The following CLCN3 variants were observed in gnomAD, a reference collection of about 807,000 sequenced individuals.
The protein encoded by CLCN3 is H(+)/Cl(-) exchange transporter 3.
CLCN3 carries 16 observed loss-of-function variants against 83.4 expected under a neutral mutation model. The observed-to-expected ratio is 0.19, with a 90% CI of 0.13 to 0.29. CLCN3 has a LOEUF of 0.29. Ranked by LOEUF, CLCN3 falls within the 10% of genes least tolerant of loss-of-function variation. The probability of loss-of-function intolerance (pLI) is 1.00; values close to 1 mark genes in which losing one functional copy is unlikely to be tolerated. For missense variants in CLCN3, 544 were observed against 1,006.0 expected, an observed-to-expected ratio of 0.54 and a Z score of 6.21; for synonymous variants, 322 against 346.2, an observed-to-expected ratio of 0.93 and a Z score of 0.78.
At chr4:169,696,542 G>A (rs929349852) in intron 8 of CLCN3, among the ~76,000 whole-genome samples, 5 of 151,960 alleles carry the variant, frequency 3.3e-5, no homozygotes, top group African/African-American at 1.2e-4. Flanking sequence ...TTATGTCCTT[G>A]TGGTGGTGAG....
chr4:169,636,231 G>C lies in CLCN3; in HGVS notation c.160+143G>C, dbSNP rs115532738. On this transcript the variant is annotated intron_variant, in intron 2 of 12. Coordinates refer to ENST00000513761, the MANE Select transcript of CLCN3 (RefSeq NM_001829.4). Reference sequence around the variant, plus strand: ...ATAACATAAACTTAACCATTGTAAAGTGTGGAACTGAGTGGCATTTAGCAG... The same window carrying C: ...ATAACATAAACTTAACCATTGTAAACTGTGGAACTGAGTGGCATTTAGCAG... 1.3e-3 allele frequency: 918 copies of C among 722,120 alleles called. 7 individuals are homozygous for C. The highest frequency in any genetic ancestry group is 0.012 in the African/African-American group (678 of 55,614). The allele number at this position is 722,120 out of a possible 1,614,324, so 44.7% of individuals were successfully genotyped here. A position where few individuals can be genotyped will look rare whatever the true frequency, so the allele number is the denominator to read the frequency against.
intron 2 of CLCN3, among the ~76,000 whole-genome samples, chr4:169,662,086 T>G (rs2150220674): frequency 6.6e-6 from 1 of 152,274 alleles, no homozygotes; most frequent in South Asian, 2.1e-4. Context: ...TTATGGACTG[T>G]CTTAGTGTAA....
intron 1 of CLCN3, among the ~76,000 whole-genome samples, chr4:169,632,334 G>T (rs1773393586): frequency 6.6e-6 from 1 of 151,982 alleles, no homozygotes; most frequent in Non-Finnish European, 1.5e-5. Context: ...TATACAACTG[G>T]CCAACAAGCA....
intron 2 of CLCN3, among the ~76,000 whole-genome samples, chr4:169,664,313 C>T (rs921443264): frequency 1.3e-5 from 2 of 152,158 alleles, no homozygotes; most frequent in East Asian, 3.8e-4. Flanking sequence ...TTCATTAGCT[C>T]AGCAGTGTAT....
intron 1 of CLCN3, among the ~76,000 whole-genome samples, chr4:169,628,702 A>C (rs1318913063): frequency 6.6e-6 from 1 of 152,252 alleles, no homozygotes; most frequent in Non-Finnish European, 1.5e-5. Context: ...GTTGGTAGAA[A>C]TGTACAATGG....
In CLCN3 at chr4:169,697,548, T is replaced by G; in HGVS notation, c.1377T>G (p.Leu459=). 1 of 1,614,198 alleles carries G rather than the reference T, an allele frequency of 6.2e-7. No individual in the cohort carries two copies. The highest frequency in any genetic ancestry group is 8.5e-7 in the Non-Finnish European group (1 of 1,180,024). Reference sequence around the variant, plus strand: ...ACACCAGTGAACTGATCAAAGAGCTTTTTACAGACTGTGGTCCCCTGGAAT... The same window carrying G: ...ACACCAGTGAACTGATCAAAGAGCTGTTTACAGACTGTGGTCCCCTGGAAT... ...RLNTSELIKE[L]FTDCGPLESS... is the part of the protein sequence containing the mutation. The change falls in exon 9 of 13, where the codon CTT becomes CTG. Residue 459 remains leucine (L), a synonymous_variant. Transcript: ENST00000513761.
At chr4:169,640,942 C>G (rs6845698) in intron 2 of CLCN3, among the ~76,000 whole-genome samples, 3,587 of 152,238 alleles carry the variant, frequency 0.024, 201 homozygotes, top group Admixed American at 0.14. Flanking sequence ...GCGCCTATAT[C>G]CTTTTTTATC....
In CLCN3 at chr4:169,622,980, A is replaced by G. The variant is rs556233144; in HGVS notation, c.-17+1917A>G. Among the ~76,000 whole-genome samples the G allele has an allele frequency of 1.6e-3, 242 of 152,338 alleles. 1 individual carries two copies. Among genetic ancestry groups the G allele is most frequent in the Non-Finnish European group, 2.9e-3 (196 of 68,020 alleles). On this transcript the variant is annotated intron_variant, in intron 1 of 12. Transcript: ENST00000513761. The stretch of plus-strand genomic sequence containing the variant: ...TAAATATGCACATTCACATCTGTAC[A>G]TAAACATTGTAGCTGTGATTCATTT...
At chr4:169,651,646 G>A (rs1355725278) in intron 2 of CLCN3, among the ~76,000 whole-genome samples, 1 of 152,100 alleles carries the variant, frequency 6.6e-6, no homozygotes, top group Non-Finnish European at 1.5e-5. Context: ...ATTGCTCAGG[G>A]AATCATGACA....
chr4:169,690,559 A>T lies in CLCN3; in HGVS notation c.636A>T (p.Ile212=). 6.2e-7 allele frequency: 1 copy of T among 1,613,666 alleles called. No homozygotes were observed. The highest frequency in any genetic ancestry group is 8.5e-7 in the Non-Finnish European group (1 of 1,179,630). Reference sequence around the variant, plus strand: ...CTGGTTCTTATATCATGAACTACATAATGTACATCTTCTGGGCCTTGAGTT... The same window carrying T: ...CTGGTTCTTATATCATGAACTACATTATGTACATCTTCTGGGCCTTGAGTT... ...EGPGSYIMNY[I]MYIFWALSFA... The change falls in exon 6 of 13, where the codon ATA becomes ATT. Residue 212 remains isoleucine (I), a synonymous_variant. Transcript: ENST00000513761.
At chr4:169,629,560 G>A (rs796196697) in intron 1 of CLCN3, among the ~76,000 whole-genome samples, 6 of 152,118 alleles carry the variant, frequency 3.9e-5, no homozygotes, top group African/African-American at 1.2e-4. Flanking sequence ...TAGTAGAGAC[G>A]GGGTTTCACC....
rs1056136927 is a variant in CLCN3, at chr4:169,692,457, C to T, written c.936+137C>T. On this transcript the variant is annotated intron_variant, in intron 7 of 12. Coordinates refer to ENST00000513761, the MANE Select transcript of CLCN3 (RefSeq NM_001829.4). Reference sequence around the variant, plus strand: ...TTTGAGATTTGTGCTTCTGTTTTTCCTGAATAATCTATAACATCTTTCTAG... The same window carrying T: ...TTTGAGATTTGTGCTTCTGTTTTTCTTGAATAATCTATAACATCTTTCTAG... 3 of 378,992 alleles carry T rather than the reference C, an allele frequency of 7.9e-6. No homozygotes were observed. In the East Asian group the frequency reaches 1.3e-4, roughly 17 times the overall value. 23.5% of individuals were successfully genotyped at this position (378,992 alleles called of 1,614,324 possible).
chr4:169,680,709 A>G (rs1731902380), intron 3 of CLCN3: 1 of 152,744 alleles, frequency 6.5e-6, no homozygotes, highest in South Asian at 2.1e-4. Context: ...TGGCTCCCAA[A>G]TAAAGCTTAT....
At chr4:169,655,810 G>T (rs1174344803) in intron 2 of CLCN3, among the ~76,000 whole-genome samples, 1 of 152,160 alleles carries the variant, frequency 6.6e-6, no homozygotes, top group Non-Finnish European at 1.5e-5. Context: ...TGGGCCAATT[G>T]TGTGATGTCT....
At position 169,687,402 on chromosome 4, in the gene CLCN3, G is replaced by A. The variant is rs558817404; in HGVS notation, c.319-256G>A. ...TCAAGACCAGTCTGGCCAACATAGC[G>A]AGGCCCAGTCTCATTGAAAGAAAAA... On this transcript the variant is annotated intron_variant, in intron 3 of 12. Transcript: ENST00000513761. 1.4e-3 allele frequency among the ~76,000 whole-genome samples: 212 copies of A among 152,130 alleles called. 1 individual carries two copies. Among genetic ancestry groups the A allele is most frequent in the African/African-American group, 4.8e-3 (198 of 41,484 alleles).
chr4:169,634,058 A>G (rs2150201247), intron 1 of CLCN3, among the ~76,000 whole-genome samples: 1 of 152,296 alleles, frequency 6.6e-6, no homozygotes, highest in Admixed American at 6.5e-5. Context: ...TTGTGTTACA[A>G]AGAATGATCT....
chr4:169,689,798 A>G (rs1174704233), intron 5 of CLCN3, among the ~76,000 whole-genome samples: 1 of 152,176 alleles, frequency 6.6e-6, no homozygotes, highest in Non-Finnish European at 1.5e-5. Flanking sequence ...AAAGGTATAC[A>G]TTTGCGGTAA....
chr4:169,623,328 A>G (rs890991748), intron 1 of CLCN3, among the ~76,000 whole-genome samples: 1 of 152,162 alleles, frequency 6.6e-6, no homozygotes, highest in Admixed American at 6.5e-5. Flanking sequence ...AGCCTCTAGC[A>G]TTTATACCCG....
At chr4:169,677,962 T>C (rs535717576) in intron 2 of CLCN3, among the ~76,000 whole-genome samples, 56 of 152,340 alleles carry the variant, frequency 3.7e-4, no homozygotes, top group African/African-American at 2.6e-4. Context: ...TCATATAAGA[T>C]ATATGGTGAA....
Sources: allele counts gnomAD v4.1 joint callset (sites outside exome capture counted in the v4.1 genomes callset), GRCh38; gene constraint gnomAD v4.1.1; transcripts MANE v1.5; gene names NCBI Gene and HGNC (gene_info 2026-07-23, HGNC 2026-07-21).